Variants in EP300 observed in about 807,000 individuals in gnomAD.
EP300 encodes histone acetyltransferase p300.
In EP300, 31 loss-of-function variants were observed where a neutral mutation model predicts 264.0. The observed-to-expected ratio is 0.12, with a 90% CI of 0.09 to 0.16. The LOEUF (loss-of-function observed/expected upper bound fraction) is 0.16, where lower values mean the gene tolerates loss of function less well. Among genes scored for constraint, EP300 ranks in the 10% least tolerant of loss-of-function variants. EP300 has a pLI of 1.00. For missense variants in EP300, 2,766 were observed against 3,052.9 expected, an observed-to-expected ratio of 0.91 and a Z score of 2.21; for synonymous variants, 1,340 against 1,045.4, an observed-to-expected ratio of 1.28 and a Z score of -5.44.
chr22:41,140,362 C>T, intron 9 of EP300, 105 bp downstream of exon 9: 1 of 823,566 alleles, frequency 1.2e-6, no homozygotes. Flanking sequence ...AGACGGGGGA[C>T]ACGCTGTAGC....
intron 27 of EP300, among the ~76,000 whole-genome samples, chr22:41,172,020 T>G (rs529033344): frequency 3.5e-4 from 53 of 152,338 alleles, no homozygotes; most frequent in African/African-American, 1.3e-3. Context: ...AAAGAAGTTT[T>G]CCTAAGCAGC....
intron 17 of EP300, among the ~76,000 whole-genome samples, chr22:41,155,369 C>T (rs917827508): frequency 1.3e-5 from 2 of 152,078 alleles, no homozygotes; most frequent in African/African-American, 4.8e-5. Context: ...GCTGGGATAA[C>T]TACATTCATG....
chr22:41,141,144 C>T lies in EP300; in HGVS notation c.1975C>T (p.Pro659Ser), dbSNP rs868285862. ...CAGACTACAGAAGCAGAACATGCTA[C>T]CAAATGCTGCAGGCATGGTTCCAGT... The part of the protein sequence containing the change: ...RTRLQKQNML[P>S]NAAGMVPVSM... Residue 659 changes from proline (P) to serine (S), a missense_variant, in exon 10 of 31, where the codon CCA (proline) becomes TCA (serine). Transcript: ENST00000263253. 2 of 1,614,116 alleles carry T rather than the reference C, an allele frequency of 1.2e-6. No individual in the cohort carries two copies. Among genetic ancestry groups the T allele is most frequent in the Middle Eastern group, 3.3e-4 (2 of 6,062 alleles).
rs147880144 is a variant in EP300, at chr22:41,178,386, G to A, written c.6675G>A (p.Gln2225=). The A allele has an allele frequency of 1.5e-4, 250 of 1,614,186 alleles. No individual in the cohort carries two copies. In the African/African-American group the frequency reaches 3.0e-3, roughly 20 times the overall value. Residue 2225 remains glutamine, a synonymous_variant, in exon 31 of 31, where the codon CAG becomes CAA. Transcript: ENST00000263253. Reference sequence around the variant, plus strand: ...TTGGCTACCCACCACAGCAGCAGCAGCGGATGCAGCATCACATGCAACAGA... The same window carrying A: ...TTGGCTACCCACCACAGCAGCAGCAACGGATGCAGCATCACATGCAACAGA... ...QGVGYPPQQQ[Q]RMQHHMQQMQ...
In EP300 at chr22:41,176,879, C is replaced by T. The variant is rs370154248; in HGVS notation, c.5168C>T (p.Ala1723Val). ...DDESNNQQAA[A>V]TQSPGDSRRL... ...GAGAGCAACAACCAGCAGGCTGCAG[C>T]CACCCAGAGCCCAGGCGATTCTCGC... is the stretch of plus-strand genomic sequence containing the variant. Residue 1723 changes from alanine to valine, a missense_variant, in exon 31 of 31, where the codon GCC becomes GTC. Physicochemically the swap from Ala to Val is moderately conservative, Grantham distance 64 (BLOSUM62 0). Coordinates refer to ENST00000263253, the MANE Select transcript of EP300 (RefSeq NM_001429.4). 3.1e-6 allele frequency: 5 copies of T among 1,614,014 alleles called. No homozygotes were observed. In the African/African-American group the frequency reaches 5.3e-5, roughly 17 times the overall value.
At chr22:41,100,184 A>G (rs1403040181) in intron 1 of EP300, among the ~76,000 whole-genome samples, 5 of 152,200 alleles carry the variant, frequency 3.3e-5, no homozygotes, top group East Asian at 1.9e-4. Context: ...ACAGTGAGCT[A>G]TGATGACACC....
chr22:41,171,527 G>T (rs547431134), intron 27 of EP300, among the ~76,000 whole-genome samples: 44 of 152,140 alleles, frequency 2.9e-4, no homozygotes, highest in African/African-American at 1.0e-3. Context: ...TGTAGAGACA[G>T]GATGTCACCA....
At chr22:41,109,282 A>G (rs1014790657) in intron 1 of EP300, among the ~76,000 whole-genome samples, 12 of 151,436 alleles carry the variant, frequency 7.9e-5, no homozygotes, top group Non-Finnish European at 1.5e-4. Flanking sequence ...AAAAAAACGG[A>G]AAACATAAGA....
chr22:41,158,793 T>C, intron 19 of EP300: 1 of 402,080 alleles, frequency 2.5e-6, no homozygotes, highest in Non-Finnish European at 4.7e-6. Context: ...CTCTTTCTAC[T>C]GTGTGTTTGT....
At chr22:41,156,007 G>A (rs999140419) in intron 17 of EP300, among the ~76,000 whole-genome samples, 3 of 151,910 alleles carry the variant, frequency 2.0e-5, no homozygotes, top group Non-Finnish European at 2.9e-5. Flanking sequence ...TTTTGTTGTT[G>A]TTATTTGTTT....
Position 41,114,023 on chromosome 22 carries a change from C to T in EP300, c.95-3164C>T, listed in dbSNP as rs1051109552. On this transcript the variant is annotated intron_variant, in intron 1 of 30. Coordinates refer to ENST00000263253, the MANE Select transcript of EP300 (RefSeq NM_001429.4). ...ATGATAAAATATTTTCTTGGATACTCCAGGGGAAAAGTAAAAATTGCAAAT... is the reference window on the plus strand; with the variant it reads ...ATGATAAAATATTTTCTTGGATACTTCAGGGGAAAAGTAAAAATTGCAAAT... 7.9e-5 allele frequency among the ~76,000 whole-genome samples: 12 copies of T among 151,920 alleles called. 1 individual carries two copies. The highest frequency in any genetic ancestry group is 5.9e-5 in the Non-Finnish European group (4 of 67,996).
chr22:41,102,488 A>G (rs2058737176), intron 1 of EP300, among the ~76,000 whole-genome samples: 1 of 152,208 alleles, frequency 6.6e-6, no homozygotes, highest in African/African-American at 2.4e-5. Flanking sequence ...GACTGGTAGA[A>G]TAGCCAAAAA....
At position 41,126,035 on chromosome 22, in the gene EP300, A is replaced by G; in HGVS notation, c.901A>G (p.Asn301Asp). The G allele has an allele frequency of 6.2e-7, 1 of 1,614,114 alleles. No homozygotes were observed. Among genetic ancestry groups the G allele is most frequent in the Non-Finnish European group, 8.5e-7 (1 of 1,179,962 alleles). ...GGCAGTTCCTGGTGGAGGAATGCCC[A>G]ACATGGTGAGTACTAATCCATTACA... is the stretch of plus-strand genomic sequence containing the variant. ...KKAVPGGGMPNMGQQPAPQVQ... is the reference protein window; with the variant it reads ...KKAVPGGGMPDMGQQPAPQVQ... Residue 301 changes from asparagine (N) to aspartate (D), a missense_variant, in exon 3 of 31, where the codon AAC (asparagine) becomes GAC (aspartate). Transcript: ENST00000263253.
At position 41,146,746 on chromosome 22, in the gene EP300, T is replaced by C. The variant is rs2059012728; in HGVS notation, c.2061T>C (p.Pro687=). 1 of 1,614,054 alleles carries C rather than the reference T, an allele frequency of 6.2e-7. No individual in the cohort carries two copies. The change falls in exon 11 of 31, where the codon CCT becomes CCC. Residue 687 remains proline (P), a synonymous_variant. Coordinates refer to ENST00000263253, the MANE Select transcript of EP300 (RefSeq NM_001429.4). The part of the protein sequence containing the change: ...QPQPGMTSNG[P]LPDPSMIRGS... ...TTCTCTTTTTTACTCTAGATGGCCC[T>C]CTACCTGACCCAAGTATGATCCGTG... is the stretch of plus-strand genomic sequence containing the variant.
rs1287768278 is a variant in EP300 at position 41,157,221 on chromosome 22, A to C, written c.3314A>C (p.Lys1105Thr). 6.2e-7 allele frequency: 1 copy of C among 1,614,030 alleles called. No individual in the cohort carries two copies. Among genetic ancestry groups the C allele is most frequent in the African/African-American group, 1.3e-5 (1 of 74,936 alleles). Residue 1105 changes from lysine to threonine, a missense_variant, in exon 18 of 31, where the codon AAG (lysine) becomes ACG (threonine). Transcript: ENST00000263253. ...ATGGATCTTTCTACCATTAAGAGGA[A>C]GTTAGACACTGGACAGTATCAGGAG... ...SPMDLSTIKR[K>T]LDTGQYQEPW...
chr22:41,105,600 T>C (rs2058754397), intron 1 of EP300, among the ~76,000 whole-genome samples: 1 of 151,982 alleles, frequency 6.6e-6, no homozygotes, highest in Non-Finnish European at 1.5e-5. Flanking sequence ...GGTTTCACTA[T>C]GTTGGCCAGG....
At chr22:41,127,857 T>C in intron 4 of EP300, 109 bp downstream of exon 4, 1 of 1,386,286 alleles carries the variant, frequency 7.2e-7, no homozygotes, top group Non-Finnish European at 1.0e-6. Context: ...AATACCTTAA[T>C]TGTGGTGATG....
chr22:41,134,292 T>C (rs1373960781), intron 6 of EP300, among the ~76,000 whole-genome samples: 1 of 152,056 alleles, frequency 6.6e-6, no homozygotes, highest in Non-Finnish European at 1.5e-5. Flanking sequence ...ACTAGAAACG[T>C]ACGTGTGTGT....
At chr22:41,176,193 C>T (rs2145511710) in intron 29 of EP300, 54 bp from the exon 30 acceptor site, 5 of 1,605,986 alleles carry the variant, frequency 3.1e-6, no homozygotes, top group Non-Finnish European at 4.3e-6. Flanking sequence ...GCATTCCAGC[C>T]TGGATGACAG....
Sources: gnomAD v4.1 joint callset for allele counts (sites outside exome capture counted in the v4.1 genomes callset) on GRCh38, gnomAD v4.1.1 for gene constraint, MANE v1.5 for transcripts, NCBI Gene and HGNC (gene_info 2026-07-23, HGNC 2026-07-21) for gene names.